OSBPL3: variants seen among roughly 807,000 people sequenced by gnomAD.
OSBPL3 encodes oxysterol binding protein like 3.
In OSBPL3, 65 loss-of-function variants were observed where a neutral mutation model predicts 120.1. The observed-to-expected ratio is 0.54, with a 90% CI of 0.44 to 0.67. OSBPL3 has a LOEUF of 0.67. OSBPL3 is among the 30% of genes least tolerant of loss of function. The pLI is 0.00. For synonymous variants in OSBPL3, 416 were observed against 402.6 expected, an observed-to-expected ratio of 1.03 and a Z score of -0.40; for missense variants, 1,004 against 1,082.1, an observed-to-expected ratio of 0.93 and a Z score of 1.01.
chr7:24,864,175 G>A (rs1415780804), intron 7 of OSBPL3, among the ~76,000 whole-genome samples: 2 of 152,146 alleles, frequency 1.3e-5, no homozygotes, highest in Non-Finnish European at 2.9e-5. Context: ...GGACCTGAGA[G>A]GACATAAGAG....
intron 1 of OSBPL3, among the ~76,000 whole-genome samples, chr7:24,914,940 C>A (rs910609022): frequency 3.9e-5 from 6 of 152,250 alleles, no homozygotes; most frequent in Middle Eastern, 3.4e-3. Flanking sequence ...AGTATCAAGA[C>A]AACAGGCTGT....
chr7:24,914,723 G>T (rs1809308815), intron 1 of OSBPL3, among the ~76,000 whole-genome samples: 1 of 152,052 alleles, frequency 6.6e-6, no homozygotes. Flanking sequence ...TTCCTCTATT[G>T]TCTGGATAAA....
intron 1 of OSBPL3, among the ~76,000 whole-genome samples, chr7:24,962,337 AT>A (rs1382036906): frequency 1.3e-5 from 2 of 148,212 alleles, no homozygotes; most frequent in African/African-American, 5.0e-5. Flanking sequence ...GACAAGAAAG[AT>A]AAGAAAGACA....
At chr7:24,866,771 T>C (rs559931046) in intron 5 of OSBPL3, among the ~76,000 whole-genome samples, 1 of 152,254 alleles carries the variant, frequency 6.6e-6, no homozygotes, top group South Asian at 2.1e-4. Flanking sequence ...CTTTATAAAG[T>C]ATGTATTTTG....
chr7:24,958,493 C>T (rs1414572502), intron 1 of OSBPL3, among the ~76,000 whole-genome samples: 2 of 152,186 alleles, frequency 1.3e-5, no homozygotes, highest in African/African-American at 2.4e-5. Flanking sequence ...TTACTTCCAA[C>T]TTCACTTACA....
rs974810751 is a variant in OSBPL3 at position 24,804,206 on chromosome 7, C to T, written c.2567+109G>A. 4 of 1,329,538 alleles carry T rather than the reference C, an allele frequency of 3.0e-6. No homozygotes were observed. The East Asian group carries it at 9.2e-5, about 31-fold the overall frequency. 82.4% of individuals were successfully genotyped at this position (1,329,538 alleles called of 1,614,324 possible). A position where few individuals can be genotyped will look rare whatever the true frequency, so the allele number is the denominator to read the frequency against. On this transcript the variant is annotated intron_variant, in intron 22 of 22. Transcript: ENST00000313367. This position sits in a 1 kb window ranked among gnomAD's most constrained non-coding sequence, Gnocchi z 5.4. ...ACCCCCACGTGGAAGCAGGAAAAGC[C>T]TGGAGAATGCTCTTATCTGGGGACA...
Position 24,803,616 on chromosome 7 carries a change from C to T in OSBPL3, c.2567+699G>A, listed in dbSNP as rs1792647556. 6.6e-6 allele frequency among the ~76,000 whole-genome samples: 1 copy of T among 152,082 alleles called. No homozygotes were observed. Among genetic ancestry groups the T allele is most frequent in the African/African-American group, 2.4e-5 (1 of 41,466 alleles). On this transcript the variant is annotated intron_variant, in intron 22 of 22. Transcript: ENST00000313367. This position sits in a 1 kb window ranked among gnomAD's most constrained non-coding sequence, Gnocchi z 4.2. Reference sequence around the variant, plus strand: ...TGAAACCCCGTCTCTACTAAAAATACAAAAATTAGCCGGGCATGGTGGCAC... The same window carrying T: ...TGAAACCCCGTCTCTACTAAAAATATAAAAATTAGCCGGGCATGGTGGCAC...
chr7:24,842,511 C>T, intron 12 of OSBPL3, 98 bp from the exon 13 acceptor site: 2 of 917,740 alleles, frequency 2.2e-6, no homozygotes, highest in Non-Finnish European at 1.6e-6. Context: ...GGTCACAGGC[C>T]CATGCAAATA....
rs886247660 is a variant in OSBPL3 at position 24,797,630 on chromosome 7, A to T, written c.*2553T>A. ...TTTCCTGCAGCGTGGGGTAGTCGAC[A>T]GCTGTGACAGGAACATTACCTGAAG... is the stretch of plus-strand genomic sequence containing the variant. On this transcript the variant is annotated 3_prime_UTR_variant, in exon 23 of 23. Coordinates refer to ENST00000313367, the MANE Select transcript of OSBPL3 (RefSeq NM_015550.4). The surrounding 1 kb of genome is among the most constrained non-coding windows in gnomAD (Gnocchi z 4.8). 2 of 152,126 alleles carry T rather than the reference A, an allele frequency of 1.3e-5. No homozygotes were observed. Among genetic ancestry groups the T allele is most frequent in the African/African-American group, 4.8e-5 (2 of 41,396 alleles). 9.4% of individuals were successfully genotyped at this position (152,126 alleles called of 1,614,324 possible).
intron 7 of OSBPL3, among the ~76,000 whole-genome samples, chr7:24,864,446 G>C (rs1271192242): frequency 6.6e-6 from 1 of 152,184 alleles, no homozygotes; most frequent in South Asian, 2.1e-4. Flanking sequence ...GGACGCTGCT[G>C]CTCCAGAGAC....
In OSBPL3 at chr7:24,820,040, G is replaced by A; in HGVS notation, c.1948+135C>T. On this transcript the variant is annotated intron_variant, in intron 17 of 22. Coordinates refer to ENST00000313367, the MANE Select transcript of OSBPL3 (RefSeq NM_015550.4). This position sits in a 1 kb window ranked among gnomAD's most constrained non-coding sequence, Gnocchi z 4.6. Reference sequence around the variant, plus strand: ...GAGAGATGAGAGGCAAGAACAGGTGGCGCAGATCCTTCCAACCAGGCCCAA... The same window carrying A: ...GAGAGATGAGAGGCAAGAACAGGTGACGCAGATCCTTCCAACCAGGCCCAA... 3.4e-6 allele frequency: 2 copies of A among 586,740 alleles called. No individual in the cohort carries two copies. Among genetic ancestry groups the A allele is most frequent in the Non-Finnish European group, 6.3e-6 (2 of 318,036 alleles). The allele number at this position is 586,740 out of a possible 1,614,324, so 36.3% of individuals were successfully genotyped here.
chr7:24,974,945 T>C (rs1817419888), intron 1 of OSBPL3, among the ~76,000 whole-genome samples: 1 of 152,214 alleles, frequency 6.6e-6, no homozygotes, highest in Non-Finnish European at 1.5e-5. Flanking sequence ...CTGAATATAC[T>C]AAAATCCATT....
At chr7:24,917,934 C>G (rs1198303126) in intron 1 of OSBPL3, 1 of 203,546 alleles carries the variant, frequency 4.9e-6, no homozygotes, top group African/African-American at 2.4e-5. Flanking sequence ...ATAATGGAAT[C>G]CATTCTCTGA....
intron 1 of OSBPL3, among the ~76,000 whole-genome samples, chr7:24,943,051 G>C (rs1166318099): frequency 6.6e-6 from 1 of 152,196 alleles, no homozygotes; most frequent in African/African-American, 2.4e-5. Context: ...GCTCCAAACA[G>C]AACACCAACC....
rs1792065183 is a variant in OSBPL3, at chr7:24,799,602, T to C, written c.*581A>G. ...GCCGTATACGTCTTATATAAAAATA[T>C]ACATTCCATTAATCTTATATCCTCT... On this transcript the variant is annotated 3_prime_UTR_variant, in exon 23 of 23. Coordinates refer to ENST00000313367, the MANE Select transcript of OSBPL3 (RefSeq NM_015550.4). This position sits in a 1 kb window ranked among gnomAD's most constrained non-coding sequence, Gnocchi z 5.3. 1 of 152,380 alleles carries C rather than the reference T, an allele frequency of 6.6e-6. No homozygotes were observed. The highest frequency in any genetic ancestry group is 2.4e-5 in the African/African-American group (1 of 41,458). 9.4% of individuals were successfully genotyped at this position (152,380 alleles called of 1,614,324 possible).
chr7:24,961,513 A>G (rs190036783), intron 1 of OSBPL3, among the ~76,000 whole-genome samples: 2 of 152,252 alleles, frequency 1.3e-5, no homozygotes, highest in African/African-American at 4.8e-5. Flanking sequence ...GCCCTCCTGT[A>G]TGGCATTAGC....
rs1467042343 is a variant in OSBPL3 at position 24,879,710 on chromosome 7, C to T, written c.97-7641G>A. 6.6e-6 allele frequency among the ~76,000 whole-genome samples: 1 copy of T among 152,178 alleles called. No homozygotes were observed. Among genetic ancestry groups the T allele is most frequent in the Non-Finnish European group, 1.5e-5 (1 of 68,034 alleles). On this transcript the variant is annotated intron_variant, in intron 2 of 22. Coordinates refer to ENST00000313367, the MANE Select transcript of OSBPL3 (RefSeq NM_015550.4). This position sits in a 1 kb window ranked among gnomAD's most constrained non-coding sequence, Gnocchi z 5.6. The stretch of plus-strand genomic sequence containing the variant: ...TGGCTCCACCTGAGGTCATTCCCAT[C>T]CTGAGTTTCCAAAGAGAAAAACGCT...
At chr7:24,861,017 G>C (rs1156958182) in intron 10 of OSBPL3, among the ~76,000 whole-genome samples, 1 of 152,162 alleles carries the variant, frequency 6.6e-6, no homozygotes, top group African/African-American at 2.4e-5. Flanking sequence ...TTCCAGAGTG[G>C]CTACACCATT....
Position 24,912,044 on chromosome 7 carries a change from T to G in OSBPL3, c.-149-19423A>C, listed in dbSNP as rs1785770382. Among the ~76,000 whole-genome samples, 2 of 152,246 alleles carry G rather than the reference T, an allele frequency of 1.3e-5. No homozygotes were observed. The highest frequency in any genetic ancestry group is 2.1e-4 in the South Asian group (1 of 4,834). On this transcript the variant is annotated intron_variant, in intron 1 of 22. Transcript: ENST00000313367. The surrounding 1 kb of genome is among the most constrained non-coding windows in gnomAD (Gnocchi z 4.5). ...TTGAAGACTGTCTCATCCTTGTTTT[T>G]GTTTTTTCTTAATTGACACGGTAGG...
Sources: allele counts gnomAD v4.1 joint callset (sites outside exome capture counted in the v4.1 genomes callset), GRCh38; gene constraint gnomAD v4.1.1; non-coding constraint Gnocchi (gnomAD v3.1); transcripts MANE v1.5; gene names NCBI Gene and HGNC (gene_info 2026-07-23, HGNC 2026-07-21).